Variants in MACF1 observed in about 807,000 individuals in gnomAD.
MACF1 encodes the protein microtubule actin crosslinking factor 1.
MACF1 carries 193 observed loss-of-function variants against 854.8 expected under a neutral mutation model. That is an observed-to-expected ratio of 0.23 (90% CI 0.20 to 0.25). MACF1 has a LOEUF of 0.25. Among genes scored for constraint, MACF1 ranks in the 10% least tolerant of loss-of-function variants. The probability of loss-of-function intolerance (pLI) is 1.00; values close to 1 mark genes in which losing one functional copy is unlikely to be tolerated. For synonymous variants in MACF1, 3,185 were observed against 3,226.7 expected (o/e 0.99, Z 0.44); for missense variants, 7,722 against 8,929.1 (o/e 0.86, Z 5.45).
In MACF1 at chr1:39,448,797, G is replaced by A. The variant is rs187591792; in HGVS notation, c.20258+34G>A. On this transcript the variant is annotated intron_variant, in intron 84 of 100. Transcript: ENST00000564288. ...GAATGTCCCCTTCAGGGGTCTAACC[G>A]GGATCCCAAAAGCAAGAGGTTCTTA... 4.2e-5 allele frequency: 63 copies of A among 1,503,738 alleles called. No homozygotes were observed. The Middle Eastern group carries it at 5.4e-4, about 13-fold the overall frequency. 93.1% of individuals were successfully genotyped at this position (1,503,738 alleles called of 1,614,324 possible).
At chr1:39,420,736 T>C (rs1643501817) in intron 58 of MACF1, among the ~76,000 whole-genome samples, 1 of 152,166 alleles carries the variant, frequency 6.6e-6, no homozygotes, top group Non-Finnish European at 1.5e-5. Context: ...ATTTTTGTCC[T>C]CTTCCATTTT....
chr1:39,384,069 G>C (rs1650482183), intron 56 of MACF1, among the ~76,000 whole-genome samples: 1 of 152,088 alleles, frequency 6.6e-6, no homozygotes. Flanking sequence ...AAATGGTTTT[G>C]ATCTCTGTAT....
Position 39,333,194 on chromosome 1 carries a change from G to A in MACF1, c.6606G>A (p.Gln2202=). The change falls in exon 37 of 101, where the codon CAG becomes CAA. Residue 2202 remains glutamine, a synonymous_variant. Transcript: ENST00000564288. ...CCCAAAGCAAAAAGTTACAAGTTCA[G>A]GTAAAGAAAACTCTAGGTATAAAGT... ...IKPQSKKLQV[Q]VKKTLGIKLE... 1 of 1,612,432 alleles carries A rather than the reference G, an allele frequency of 6.2e-7. No homozygotes were observed. Among genetic ancestry groups the A allele is most frequent in the South Asian group, 1.1e-5 (1 of 90,558 alleles).
chr1:39,452,396 GT>G, intron 86 of MACF1, 46 bp downstream of exon 86: 1 of 1,542,260 alleles, frequency 6.5e-7, no homozygotes, highest in African/African-American at 1.4e-5. Context: ...ATCTGAGTGG[GT>G]TTATTTGGTT....
At chr1:39,431,286 A>G (rs1040263842) in intron 66 of MACF1, among the ~76,000 whole-genome samples, 1 of 97,478 alleles carries the variant, frequency 1.0e-5, no homozygotes, top group Non-Finnish European at 2.0e-5. Context: ...GAAGAGGGGG[A>G]AGGAATTACT....
chr1:39,111,198 A>G (rs1375332869), intron 2 of MACF1, among the ~76,000 whole-genome samples: 1 of 152,058 alleles, frequency 6.6e-6, no homozygotes, highest in African/African-American at 2.4e-5. Context: ...GTGGTAGCTA[A>G]GAATGTTTAT....
intron 68 of MACF1, among the ~76,000 whole-genome samples, 185 bp downstream of exon 68, chr1:39,433,340 C>T (rs1350736745): frequency 6.6e-6 from 1 of 152,172 alleles, no homozygotes; most frequent in African/African-American, 2.4e-5. Context: ...ATGTTTAAAA[C>T]AGCCATCCTA....
At chr1:39,440,423 C>A (rs1204919285) in intron 72 of MACF1, among the ~76,000 whole-genome samples, 1 of 151,992 alleles carries the variant, frequency 6.6e-6, no homozygotes, top group Admixed American at 6.6e-5. Context: ...CTCTTTTTTA[C>A]CAACAACATT....
intron 80 of MACF1, among the ~76,000 whole-genome samples, chr1:39,445,388 A>C (rs1687191): frequency 1.3e-5 from 2 of 152,172 alleles, no homozygotes; most frequent in Non-Finnish European, 2.9e-5. Flanking sequence ...GTTTCACTGT[A>C]TTTTTTGCTG....
chr1:39,326,702 G>T (rs867547751), intron 35 of MACF1, among the ~76,000 whole-genome samples: 1 of 133,446 alleles, frequency 7.5e-6, no homozygotes, highest in Non-Finnish European at 1.6e-5. Flanking sequence ...AAAAAAAAAA[G>T]AGAGAAGAAA....
chr1:39,112,898 G>A (rs1247108031), intron 2 of MACF1, among the ~76,000 whole-genome samples: 8 of 151,790 alleles, frequency 5.3e-5, no homozygotes, highest in South Asian at 2.1e-4. Context: ...TAGGAGGATC[G>A]CTTGAGTCCA....
rs1470599736 is a variant in MACF1, at chr1:39,487,124, T to C, written c.*1330T>C. ...TGGATAAATTATAGAGCTTAATAGA[T>C]CTTGTTTTATTTCATCCTTGTTAAT... On this transcript the variant is annotated 3_prime_UTR_variant, in exon 101 of 101. Transcript: ENST00000564288. The C allele has an allele frequency of 1.3e-5, 2 of 152,240 alleles. No homozygotes were observed. Among genetic ancestry groups the C allele is most frequent in the Non-Finnish European group, 2.9e-5 (2 of 68,042 alleles). The allele number at this position is 152,240 out of a possible 1,614,324, so 9.4% of individuals were successfully genotyped here.
chr1:39,352,694 T>C (rs1238486151), intron 43 of MACF1, among the ~76,000 whole-genome samples: 3 of 151,956 alleles, frequency 2.0e-5, no homozygotes, highest in East Asian at 1.9e-4. Flanking sequence ...ATTTTTTGTA[T>C]TTTTAGTAGA....
chr1:39,323,930 TA>T (rs771436174), intron 33 of MACF1, among the ~76,000 whole-genome samples: 60 of 152,284 alleles, frequency 3.9e-4, no homozygotes, highest in Middle Eastern at 6.8e-3. Context: ...AAGCATCAAA[TA>T]ATTATTGAGT....
chr1:39,295,986 CT>C lies in MACF1; in HGVS notation c.2355+106del. The C allele has an allele frequency of 3.1e-6, 3 of 978,014 alleles. No individual in the cohort carries two copies. In the South Asian group the frequency reaches 5.0e-5, roughly 16 times the overall value. The allele number at this position is 978,014 out of a possible 1,614,324, so 60.6% of individuals were successfully genotyped here. A position where few individuals can be genotyped will look rare whatever the true frequency, so the allele number is the denominator to read the frequency against. ...GTGCTTTTGTTGTATAAACCACCAC[CT>C]TAAAATTTAGTTGCTTAAAACAATA... On this transcript the variant is annotated intron_variant, in intron 20 of 100. Transcript: ENST00000564288.
chr1:39,351,095 G>C, intron 43 of MACF1, 77 bp downstream of exon 43: 1 of 1,013,504 alleles, frequency 9.9e-7, no homozygotes, highest in Non-Finnish European at 1.5e-6. Flanking sequence ...GACAGTGAGG[G>C]GAAAACAGGC....
chr1:39,092,157 AG>A (rs2148121788), intron 2 of MACF1, among the ~76,000 whole-genome samples: 1 of 152,238 alleles, frequency 6.6e-6, no homozygotes, highest in East Asian at 1.9e-4. Context: ...CTGAAGAGAC[AG>A]GGCACTTCCC....
intron 44 of MACF1, among the ~76,000 whole-genome samples, chr1:39,353,596 C>G (rs1047265638): frequency 6.6e-6 from 1 of 152,162 alleles, no homozygotes; most frequent in Non-Finnish European, 1.5e-5. Flanking sequence ...GCATTTCCTT[C>G]CAGCCCTGAT....
intron 40 of MACF1, among the ~76,000 whole-genome samples, chr1:39,341,223 G>A (rs1646929602): frequency 1.3e-5 from 2 of 150,830 alleles, no homozygotes; most frequent in East Asian, 4.0e-4. Context: ...TAGTGGAGAC[G>A]GGGTTTCACC....
Sources: gnomAD v4.1 joint callset for allele counts (sites outside exome capture counted in the v4.1 genomes callset) on GRCh38, gnomAD v4.1.1 for gene constraint, MANE v1.5 for transcripts, NCBI Gene and HGNC (gene_info 2026-07-23, HGNC 2026-07-21) for gene names.